SCAPER: variants seen among roughly 807,000 people sequenced by gnomAD.
SCAPER encodes the protein S phase cyclin A-associated protein in the endoplasmic reticulum.
In SCAPER, 98 loss-of-function variants were observed where a neutral mutation model predicts 182.2. The observed-to-expected ratio is 0.54, with a 90% CI of 0.46 to 0.64. The LOEUF (loss-of-function observed/expected upper bound fraction) is 0.64, where lower values mean the gene tolerates loss of function less well. Among genes scored for constraint, SCAPER ranks in the 30% least tolerant of loss-of-function variants. SCAPER has a pLI of 0.00. For missense variants in SCAPER, 1,432 were observed against 1,690.0 expected, an observed-to-expected ratio of 0.85 and a Z score of 2.68; for synonymous variants, 605 against 564.6, an observed-to-expected ratio of 1.07 and a Z score of -1.01.
At chr15:76,705,684 T>G (rs1464717103) in intron 18 of SCAPER, among the ~76,000 whole-genome samples, 1 of 152,034 alleles carries the variant, frequency 6.6e-6, no homozygotes, top group Non-Finnish European at 1.5e-5. Context: ...ACAGGAAATG[T>G]TAAACTTCCT....
intron 25 of SCAPER, among the ~76,000 whole-genome samples, chr15:76,439,637 C>T (rs1280454632): frequency 1.3e-5 from 2 of 152,216 alleles, no homozygotes; most frequent in Non-Finnish European, 2.9e-5. Context: ...AGGGCCTGTC[C>T]TTTGGGCAAT....
chr15:76,379,989 G>A (rs943797386), intron 28 of SCAPER: 2 of 152,174 alleles, frequency 1.3e-5, no homozygotes, highest in African/African-American at 4.8e-5. Flanking sequence ...CGTGAAACAG[G>A]AAGCTAAGAG....
intron 17 of SCAPER, among the ~76,000 whole-genome samples, chr15:76,724,969 G>A (rs2060493611): frequency 6.6e-6 from 1 of 152,088 alleles, no homozygotes; most frequent in Non-Finnish European, 1.5e-5. Flanking sequence ...TTGCTGGTGA[G>A]GAGCTGCATT....
intron 23 of SCAPER, among the ~76,000 whole-genome samples, chr15:76,558,650 C>T (rs933155363): frequency 9.2e-5 from 14 of 152,134 alleles, no homozygotes; most frequent in East Asian, 5.8e-4. Flanking sequence ...TACCATTTGA[C>T]GCAGAAATCC....
At chr15:76,749,235 T>TA (rs200576862) in intron 15 of SCAPER, among the ~76,000 whole-genome samples, 10 of 149,832 alleles carry the variant, frequency 6.7e-5, no homozygotes, top group East Asian at 3.9e-4. Context: ...AATTCATCAT[T>TA]AAAAAAAAAA....
intron 2 of SCAPER, among the ~76,000 whole-genome samples, chr15:76,865,288 G>A (rs2072186266): frequency 6.6e-6 from 1 of 151,986 alleles, no homozygotes; most frequent in Admixed American, 6.6e-5. Flanking sequence ...CAGAGGAGAG[G>A]GAAAAATCAA....
chr15:76,365,264 C>G (rs577228412), intron 29 of SCAPER, among the ~76,000 whole-genome samples: 1 of 152,156 alleles, frequency 6.6e-6, no homozygotes, highest in Non-Finnish European at 1.5e-5. Flanking sequence ...TTTGTAAAAG[C>G]TGATAAATGA....
chr15:76,540,206 G>C (rs2044606278), intron 23 of SCAPER, among the ~76,000 whole-genome samples: 1 of 152,112 alleles, frequency 6.6e-6, no homozygotes, highest in Non-Finnish European at 1.5e-5. Context: ...TTCAAGACCA[G>C]CCTGGGCAAC....
At chr15:76,715,318 A>G (rs1245285541) in intron 17 of SCAPER, among the ~76,000 whole-genome samples, 1 of 151,974 alleles carries the variant, frequency 6.6e-6, no homozygotes, top group Non-Finnish European at 1.5e-5. Context: ...CAAAGGCTCT[A>G]CTGACCCAAG....
rs12592420 is a variant in SCAPER, at chr15:76,420,776, C to T, written c.3311+13302G>A. Reference sequence around the variant, plus strand: ...CTAATGCTATCCCTCCACGCTCCCCCCACCCCATGACAGGCCCCGGTGTGT... The same window carrying T: ...CTAATGCTATCCCTCCACGCTCCCCTCACCCCATGACAGGCCCCGGTGTGT... On this transcript the variant is annotated intron_variant, in intron 26 of 31. Coordinates refer to ENST00000563290, the MANE Select transcript of SCAPER (RefSeq NM_020843.4). 1.9e-3 allele frequency among the ~76,000 whole-genome samples: 289 copies of T among 152,088 alleles called. 3 individuals are homozygous for T. The highest frequency in any genetic ancestry group is 6.3e-3 in the African/African-American group (261 of 41,522).
At chr15:76,598,106 G>GAA (rs1278622884) in intron 22 of SCAPER, among the ~76,000 whole-genome samples, 1 of 107,328 alleles carries the variant, frequency 9.3e-6, no homozygotes, top group African/African-American at 2.7e-5. Flanking sequence ...AAATGTACAA[G>GAA]AAAAAAAAAA....
intron 22 of SCAPER, among the ~76,000 whole-genome samples, chr15:76,579,910 A>G (rs192059376): frequency 1.2e-4 from 19 of 152,340 alleles, no homozygotes; most frequent in Admixed American, 4.6e-4. Flanking sequence ...AGACAAAACT[A>G]TAAAGAGAAA....
intron 5 of SCAPER, among the ~76,000 whole-genome samples, chr15:76,831,742 T>C (rs1459307373): frequency 6.6e-6 from 1 of 152,110 alleles, no homozygotes; most frequent in Non-Finnish European, 1.5e-5. Context: ...TGTCAGAATG[T>C]GGTTGTCAGC....
intron 23 of SCAPER, among the ~76,000 whole-genome samples, chr15:76,537,182 A>G (rs1199170810): frequency 2.6e-5 from 4 of 151,086 alleles, no homozygotes; most frequent in South Asian, 2.1e-4. Context: ...CCATCAAGCT[A>G]CCGATGACTT....
At chr15:76,466,419 C>CTCTTCTTT (rs754649564) in intron 25 of SCAPER, among the ~76,000 whole-genome samples, 18 of 37,414 alleles carry the variant, frequency 4.8e-4, no homozygotes, top group African/African-American at 1.4e-3. Flanking sequence ...GTTGGTTCTT[C>CTCTTCTTT]TTTTTTTTTT....
intron 8 of SCAPER, among the ~76,000 whole-genome samples, chr15:76,783,303 G>A (rs1349730038): frequency 1.3e-5 from 2 of 152,056 alleles, no homozygotes; most frequent in South Asian, 4.2e-4. Context: ...TAAATTCCTG[G>A]ACACATACAC....
At chr15:76,855,844 T>A (rs956764369) in intron 4 of SCAPER, 40 of 439,800 alleles carry the variant, frequency 9.1e-5, no homozygotes, top group Admixed American at 5.5e-4. Context: ...AGTTCGGCCA[T>A]TATGGAAAGA....
At chr15:76,410,426 T>C (rs2045205920) in intron 26 of SCAPER, among the ~76,000 whole-genome samples, 1 of 152,208 alleles carries the variant, frequency 6.6e-6, no homozygotes. Flanking sequence ...GTTCAAAGTA[T>C]TACTACTATA....
At chr15:76,601,205 T>C (rs904409679) in intron 22 of SCAPER, among the ~76,000 whole-genome samples, 6 of 122,070 alleles carry the variant, frequency 4.9e-5, no homozygotes, top group African/African-American at 1.5e-4. Flanking sequence ...CTCCATCTAA[T>C]GATACGTATG....
Sources: gnomAD v4.1 joint callset for allele counts (sites outside exome capture counted in the v4.1 genomes callset) on GRCh38, gnomAD v4.1.1 for gene constraint, MANE v1.5 for transcripts, NCBI Gene and HGNC (gene_info 2026-07-23, HGNC 2026-07-21) for gene names.